Variants in SYT2 observed in about 807,000 individuals in gnomAD.
The protein encoded by SYT2 is synaptotagmin 2, also known as synaptotagmin-2.
SYT2 carries 15 observed loss-of-function variants against 39.9 expected under a neutral mutation model. That is an observed-to-expected ratio of 0.38 (90% CI 0.25 to 0.58). The LOEUF is 0.58. Ranked by LOEUF, SYT2 falls within the 20% of genes least tolerant of loss-of-function variation. SYT2 has a pLI of 0.70. For missense variants in SYT2, 389 were observed against 530.3 expected (o/e 0.73, Z 2.62); for synonymous variants, 181 against 204.5 (o/e 0.89, Z 0.98).
chr1:202,697,971 T>C (rs1353986104), intron 1 of SYT2, among the ~76,000 whole-genome samples: 1 of 152,156 alleles, frequency 6.6e-6, no homozygotes, highest in Non-Finnish European at 1.5e-5. Flanking sequence ...AGGGTCTGTC[T>C]GCAACACAGC....
intron 2 of SYT2, 27 bp from the exon 3 acceptor site, chr1:202,604,648 T>C: frequency 6.2e-7 from 1 of 1,608,202 alleles, no homozygotes. Context: ...GATCCCAGGG[T>C]CAGCAGTGCC....
At chr1:202,627,321 C>A in intron 1 of SYT2, 1 of 441,142 alleles carries the variant, frequency 2.3e-6, no homozygotes, top group South Asian at 9.5e-5. Flanking sequence ...GAGGAGCAGC[C>A]TGATTGCTGA....
chr1:202,626,750 G>T (rs1290903276), intron 1 of SYT2, among the ~76,000 whole-genome samples: 3 of 152,118 alleles, frequency 2.0e-5, no homozygotes, highest in Non-Finnish European at 2.9e-5. Flanking sequence ...AGAAAGGGTG[G>T]TGGGGTCATG....
In SYT2 at chr1:202,596,913, G is replaced by A. The variant is rs145534872; in HGVS notation, c.1104C>T (p.Asn368=). Residue 368 remains asparagine (N), a synonymous_variant, in exon 9 of 9, where the codon AAC becomes AAT. Coordinates refer to ENST00000367268, the MANE Select transcript of SYT2 (RefSeq NM_177402.5). ...TVLDYDKLGK[N]EAIGKIFVGS... The stretch of plus-strand genomic sequence containing the variant: ...CCACGAAGATCTTGCCTATGGCTTC[G>A]TTCTTGCCCAGCTTGTCATAGTCCA... 4.3e-5 allele frequency: 69 copies of A among 1,614,094 alleles called. No individual in the cohort carries two copies. The African/African-American group carries it at 4.5e-4, about 11-fold the overall frequency.
chr1:202,614,834 G>A lies in SYT2; in HGVS notation c.-17-9045C>T, dbSNP rs1306286184. Reference sequence around the variant, plus strand: ...AGGGCAGCTGGAGTGGATGGATCACGGTTCAGGGTGAGGCTGGCAGGCCGG... The same window carrying A: ...AGGGCAGCTGGAGTGGATGGATCACAGTTCAGGGTGAGGCTGGCAGGCCGG... On this transcript the variant is annotated intron_variant, in intron 1 of 8. Transcript: ENST00000367268. The surrounding 1 kb of genome is among the most constrained non-coding windows in gnomAD (Gnocchi z 4.0). 6.6e-6 allele frequency among the ~76,000 whole-genome samples: 1 copy of A among 152,170 alleles called. No homozygotes were observed. The highest frequency in any genetic ancestry group is 1.5e-5 in the Non-Finnish European group (1 of 68,016).
intron 1 of SYT2, among the ~76,000 whole-genome samples, chr1:202,695,775 T>G (rs1253671298): frequency 6.6e-6 from 1 of 152,178 alleles, no homozygotes; most frequent in East Asian, 1.9e-4. Context: ...CCTGCCTCCA[T>G]GCAAAACATC....
chr1:202,611,480 G>A (rs1486237341), intron 1 of SYT2, among the ~76,000 whole-genome samples: 6 of 151,774 alleles, frequency 4.0e-5, no homozygotes, highest in East Asian at 3.9e-4. Context: ...GCCTCCCAAA[G>A]TAGCTGGGAT....
intron 1 of SYT2, among the ~76,000 whole-genome samples, chr1:202,706,828 C>T (rs1253169254): frequency 6.6e-6 from 1 of 152,214 alleles, no homozygotes; most frequent in East Asian, 1.9e-4. Context: ...AGAACTGCAT[C>T]TGTCTGGTGG....
chr1:202,603,068 C>G lies in SYT2; in HGVS notation c.396G>C (p.Glu132Asp). The G allele has an allele frequency of 6.2e-7, 1 of 1,614,176 alleles. No individual in the cohort carries two copies. Among genetic ancestry groups the G allele is most frequent in the Non-Finnish European group, 8.5e-7 (1 of 1,180,022 alleles). The part of the protein sequence containing the change: ...TGLTEGEGEG[E>D]EEKEPENLGK... The stretch of plus-strand genomic sequence containing the variant: ...CCAGGTTCTCTGGCTCTTTCTCCTC[C>G]TCCCCTTCACCTTCCCCCTCAGTCA... The change falls in exon 4 of 9, where the codon GAG (glutamate) becomes GAC (aspartate). Residue 132 changes from glutamate (E) to aspartate (D), a missense_variant. Glu to Asp is a conservative substitution (Grantham distance 45). Coordinates refer to ENST00000367268, the MANE Select transcript of SYT2 (RefSeq NM_177402.5).
At chr1:202,705,850 G>A (rs1654235764) in intron 1 of SYT2, among the ~76,000 whole-genome samples, 1 of 151,912 alleles carries the variant, frequency 6.6e-6, no homozygotes, top group African/African-American at 2.4e-5. Flanking sequence ...GTGCCACCAT[G>A]CCCAGCTAAT....
At chr1:202,649,316 C>T (rs1229766666) in intron 1 of SYT2, among the ~76,000 whole-genome samples, 1 of 152,162 alleles carries the variant, frequency 6.6e-6, no homozygotes, top group Admixed American at 6.5e-5. Context: ...GGCAAGATTT[C>T]CTGCAAGAGC....
At chr1:202,679,173 T>G (rs1653463404) in intron 1 of SYT2, among the ~76,000 whole-genome samples, 1 of 152,128 alleles carries the variant, frequency 6.6e-6, no homozygotes, top group African/African-American at 2.4e-5. Context: ...GAGAAGCTGG[T>G]CCCACTGGTG....
chr1:202,684,703 G>T (rs964640753), intron 1 of SYT2, among the ~76,000 whole-genome samples: 23 of 152,124 alleles, frequency 1.5e-4, no homozygotes, highest in Non-Finnish European at 2.9e-4. Context: ...CACCCGTGAT[G>T]TATTTGGTTT....
chr1:202,694,995 CCT>C (rs1558464578), intron 1 of SYT2, among the ~76,000 whole-genome samples: 1 of 152,102 alleles, frequency 6.6e-6, no homozygotes, highest in African/African-American at 2.4e-5. Flanking sequence ...GGTCTCACCC[CCT>C]GCTTGGTCTT....
At chr1:202,668,879 C>A (rs1692529155) in intron 1 of SYT2, among the ~76,000 whole-genome samples, 1 of 152,192 alleles carries the variant, frequency 6.6e-6, no homozygotes, top group Admixed American at 6.5e-5. Flanking sequence ...GTGTTGAAGC[C>A]ACATGCATCT....
intron 1 of SYT2, among the ~76,000 whole-genome samples, chr1:202,681,554 G>A (rs889148079): frequency 2.0e-5 from 3 of 152,218 alleles, no homozygotes; most frequent in African/African-American, 7.2e-5. Flanking sequence ...TCAGACCAGA[G>A]TGTATGATCT....
chr1:202,597,065 G>A, intron 8 of SYT2, 102 bp from the exon 9 acceptor site: 1 of 973,902 alleles, frequency 1.0e-6, no homozygotes, highest in South Asian at 1.6e-5. Flanking sequence ...GGGAAGGTAA[G>A]GCCTCCTGGG....
At chr1:202,699,301 T>G (rs1654054198) in intron 1 of SYT2, among the ~76,000 whole-genome samples, 1 of 152,096 alleles carries the variant, frequency 6.6e-6, no homozygotes, top group Middle Eastern at 3.2e-3. Flanking sequence ...GGATTACAGG[T>G]GCGAGCCACT....
rs183854441 is a variant in SYT2, at chr1:202,678,557, A to T, written c.-18+31701T>A. On this transcript the variant is annotated intron_variant, in intron 1 of 8. Transcript: ENST00000367268. ...TTTTCATACGGCTCCCTTAATGTTC[A>T]TGTCCCTCCCTGAAATCTGTATTCA... 4.6e-5 allele frequency among the ~76,000 whole-genome samples: 7 copies of T among 151,844 alleles called. No individual in the cohort carries two copies. In the East Asian group the frequency reaches 9.7e-4, roughly 21 times the overall value.
Sources: gnomAD v4.1 joint callset for allele counts (sites outside exome capture counted in the v4.1 genomes callset) on GRCh38, gnomAD v4.1.1 for gene constraint, Gnocchi (gnomAD v3.1) non-coding constraint, MANE v1.5 for transcripts, NCBI Gene and HGNC (gene_info 2026-07-23, HGNC 2026-07-21) for gene names.